The following SH3GL2 variants were observed in gnomAD, a reference collection of about 807,000 sequenced individuals.
SH3GL2 encodes the protein endophilin-A1.
A neutral mutation model predicts 46.0 loss-of-function variants in SH3GL2; 24 were observed. That is an observed-to-expected ratio of 0.52 (90% CI 0.38 to 0.73). The LOEUF is 0.73. Ranked by LOEUF, SH3GL2 falls within the 30% of genes least tolerant of loss-of-function variation. SH3GL2 has a pLI of 0.00. For synonymous variants in SH3GL2, 196 were observed against 147.1 expected, an observed-to-expected ratio of 1.33 and a Z score of -2.40; for missense variants, 413 against 424.2, an observed-to-expected ratio of 0.97 and a Z score of 0.23.
intron 3 of SH3GL2, among the ~76,000 whole-genome samples, chr9:17,780,580 C>G (rs1175290083): frequency 3.0e-5 from 4 of 135,160 alleles, no homozygotes; most frequent in East Asian, 2.2e-4. Context: ...GCTGCACCCA[C>G]TAACGTGTCA....
intron 2 of SH3GL2, among the ~76,000 whole-genome samples, chr9:17,755,576 A>G (rs1383460932): frequency 1.3e-5 from 2 of 152,190 alleles, no homozygotes; most frequent in East Asian, 1.9e-4. Context: ...CACTGGGGTA[A>G]CAGACATGGG....
chr9:17,676,239 C>A (rs796574118), intron 1 of SH3GL2, among the ~76,000 whole-genome samples: 5 of 152,174 alleles, frequency 3.3e-5, no homozygotes, highest in African/African-American at 1.2e-4. Context: ...TTTTCCTTCC[C>A]TTCTCCTCAA....
intron 2 of SH3GL2, among the ~76,000 whole-genome samples, chr9:17,752,538 TC>T (rs1822876343): frequency 6.6e-6 from 1 of 151,952 alleles, no homozygotes; most frequent in Non-Finnish European, 1.5e-5. Flanking sequence ...CACTCTATTG[TC>T]CAGGCTGGAG....
At chr9:17,788,905 G>T (rs199809088) in intron 5 of SH3GL2, among the ~76,000 whole-genome samples, 2 of 151,566 alleles carry the variant, frequency 1.3e-5, no homozygotes, top group African/African-American at 4.8e-5. Flanking sequence ...AGCAACTTAC[G>T]TGATTCTAAC....
At chr9:17,697,965 A>G (rs1027996726) in intron 1 of SH3GL2, among the ~76,000 whole-genome samples, 8 of 152,196 alleles carry the variant, frequency 5.3e-5, no homozygotes, top group African/African-American at 1.9e-4. Context: ...TAGATGGCAT[A>G]TTCACTTTCT....
intron 3 of SH3GL2, among the ~76,000 whole-genome samples, chr9:17,785,423 C>T (rs972625889): frequency 6.6e-6 from 1 of 152,168 alleles, no homozygotes; most frequent in Non-Finnish European, 1.5e-5. Context: ...TATTCAATGC[C>T]TCTAAGACTC....
Position 17,795,681 on chromosome 9 carries a change from C to G in SH3GL2, c.997C>G (p.His333Asp). ...IDENWYEGML[H>D]GHSGFFPINY... ...TGAGAACTGGTATGAGGGGATGCTG[C>G]ATGGCCATTCAGGCTTCTTCCCCAT... The change falls in exon 9 of 9, where the codon CAT (histidine) becomes GAT (aspartate). Residue 333 changes from histidine to aspartate, a missense_variant. Physicochemically the swap from His to Asp is moderately conservative, Grantham distance 81. This residue lies in a region of SH3GL2 where 248 missense variants were observed against 215.0 expected (regional missense o/e 1.15). Transcript: ENST00000380607. 6.2e-7 allele frequency: 1 copy of G among 1,614,030 alleles called. No individual in the cohort carries two copies. The highest frequency in any genetic ancestry group is 1.1e-5 in the South Asian group (1 of 91,064).
chr9:17,758,355 G>A (rs1461943821), intron 2 of SH3GL2, among the ~76,000 whole-genome samples: 1 of 151,918 alleles, frequency 6.6e-6, no homozygotes, highest in East Asian at 1.9e-4. Flanking sequence ...GAGGCCAGGA[G>A]TTCGAGACCA....
intron 1 of SH3GL2, among the ~76,000 whole-genome samples, chr9:17,731,292 A>G (rs547816433): frequency 1.3e-5 from 2 of 151,828 alleles, no homozygotes; most frequent in East Asian, 3.9e-4. Flanking sequence ...ATGTGATGGT[A>G]TTTGGAGATG....
intron 1 of SH3GL2, among the ~76,000 whole-genome samples, chr9:17,593,304 C>CCCT (rs1818518104): frequency 6.6e-6 from 1 of 151,810 alleles, no homozygotes; most frequent in Non-Finnish European, 1.5e-5. Flanking sequence ...GCATCTGAAG[C>CCCT]CAGTTGTGGG....
At chr9:17,624,872 G>T (rs1486450024) in intron 1 of SH3GL2, among the ~76,000 whole-genome samples, 1 of 152,194 alleles carries the variant, frequency 6.6e-6, no homozygotes, top group East Asian at 1.9e-4. Context: ...CAGGCTTTGG[G>T]AACTATCCAT....
chr9:17,679,410 C>A (rs1820705549), intron 1 of SH3GL2, among the ~76,000 whole-genome samples: 1 of 152,116 alleles, frequency 6.6e-6, no homozygotes, highest in Non-Finnish European at 1.5e-5. Context: ...AATGGGAGTT[C>A]ACTCATGATT....
intron 1 of SH3GL2, among the ~76,000 whole-genome samples, chr9:17,628,956 T>G (rs547759315): frequency 4.5e-4 from 69 of 151,856 alleles, no homozygotes; most frequent in South Asian, 6.2e-4. Context: ...CATGTTTTAG[T>G]TAATTTCTAG....
At chr9:17,678,799 G>T (rs200741064) in intron 1 of SH3GL2, among the ~76,000 whole-genome samples, 1 of 152,004 alleles carries the variant, frequency 6.6e-6, no homozygotes, top group Non-Finnish European at 1.5e-5. Context: ...ATCTTGAATT[G>T]ATTTTTGTAT....
intron 1 of SH3GL2, among the ~76,000 whole-genome samples, chr9:17,647,583 A>G (rs896106525): frequency 1.3e-5 from 2 of 152,210 alleles, no homozygotes; most frequent in Non-Finnish European, 2.9e-5. Flanking sequence ...GAGGATAACA[A>G]GCTAGCTTGT....
chr9:17,681,164 G>A (rs1043538155), intron 1 of SH3GL2, among the ~76,000 whole-genome samples: 1 of 152,072 alleles, frequency 6.6e-6, no homozygotes, highest in Non-Finnish European at 1.5e-5. Flanking sequence ...GGAAAAAATA[G>A]GAAGAAGCTT....
intron 1 of SH3GL2, among the ~76,000 whole-genome samples, chr9:17,641,000 G>C (rs924364183): frequency 2.6e-5 from 4 of 152,112 alleles, no homozygotes; most frequent in African/African-American, 9.7e-5. Flanking sequence ...GTAAAACTCT[G>C]AATTTAGGTA....
chr9:17,742,177 G>A (rs1025075339), intron 1 of SH3GL2, among the ~76,000 whole-genome samples: 1 of 152,096 alleles, frequency 6.6e-6, no homozygotes, highest in Non-Finnish European at 1.5e-5. Context: ...TTTTTAAATG[G>A]CAGTTTGGAG....
At chr9:17,615,609 T>C (rs1005862397) in intron 1 of SH3GL2, among the ~76,000 whole-genome samples, 2 of 140,498 alleles carry the variant, frequency 1.4e-5, no homozygotes, top group Admixed American at 1.6e-4. Flanking sequence ...GAGCCGAGAT[T>C]GCGCCACTGC....
Sources: allele counts gnomAD v4.1 joint callset (sites outside exome capture counted in the v4.1 genomes callset), GRCh38; gene constraint gnomAD v4.1.1; regional missense constraint gnomAD v4.1.1; transcripts MANE v1.5; gene names NCBI Gene and HGNC (gene_info 2026-07-23, HGNC 2026-07-21).